The following ETV6 variants were observed in gnomAD, a reference collection of about 807,000 sequenced individuals.
ETV6 encodes the protein ETS variant transcription factor 6.
Under a neutral mutation model 51.1 loss-of-function variants are expected in ETV6, and 16 were observed. The observed-to-expected ratio is 0.31, with a 90% CI of 0.21 to 0.48. The LOEUF (loss-of-function observed/expected upper bound fraction) is 0.48, where lower values mean the gene tolerates loss of function less well. Ranked by LOEUF, ETV6 falls within the 20% of genes least tolerant of loss-of-function variation. ETV6 has a pLI of 0.99. For synonymous variants in ETV6, 240 were observed against 224.1 expected (o/e 1.07, Z -0.64); for missense variants, 458 against 594.8 (o/e 0.77, Z 2.39).
At chr12:11,674,691 G>A (rs946492636) in intron 1 of ETV6, among the ~76,000 whole-genome samples, 6 of 150,788 alleles carry the variant, frequency 4.0e-5, no homozygotes, top group Non-Finnish European at 8.9e-5. Context: ...AGCCCTGATT[G>A]TGCGACCCTG....
chr12:11,714,295 G>A (rs549436333), intron 1 of ETV6, among the ~76,000 whole-genome samples: 61 of 152,230 alleles, frequency 4.0e-4, no homozygotes, highest in African/African-American at 1.4e-3. Context: ...CAGATATAAC[G>A]GCTCTCTCTT....
intron 4 of ETV6, among the ~76,000 whole-genome samples, chr12:11,868,525 C>G (rs945750314): frequency 6.7e-6 from 1 of 150,342 alleles, no homozygotes; most frequent in African/African-American, 2.4e-5. Context: ...GCAACCTCCA[C>G]CTCCTGGGTT....
chr12:11,850,361 C>T (rs746842138), intron 3 of ETV6, among the ~76,000 whole-genome samples: 5 of 152,120 alleles, frequency 3.3e-5, no homozygotes, highest in Admixed American at 2.6e-4. Flanking sequence ...CAGGATGAGA[C>T]GTCCAGAGAA....
At position 11,894,112 on chromosome 12, in the gene ETV6, G is replaced by A. The variant is rs1213800273; in HGVS notation, c.*3066G>A. The stretch of plus-strand genomic sequence containing the variant: ...GTTAGCAAACCTTGATGAAGCACCT[G>A]CTGGACACTGAGGGACCCAAAGCTC... On this transcript the variant is annotated 3_prime_UTR_variant, in exon 8 of 8. Transcript: ENST00000396373. 2 of 230,184 alleles carry A rather than the reference G, an allele frequency of 8.7e-6. No individual in the cohort carries two copies. Among genetic ancestry groups the A allele is most frequent in the African/African-American group, 4.4e-5 (2 of 45,120 alleles). 14.3% of individuals were successfully genotyped at this position (230,184 alleles called of 1,614,324 possible). A position where few individuals can be genotyped will look rare whatever the true frequency, so the allele number is the denominator to read the frequency against.
At chr12:11,714,854 T>A (rs536223115) in intron 1 of ETV6, among the ~76,000 whole-genome samples, 1 of 152,136 alleles carries the variant, frequency 6.6e-6, no homozygotes, top group East Asian at 1.9e-4. Flanking sequence ...GCTTTGGCAA[T>A]CACAAAGACG....
chr12:11,671,974 C>T (rs1864326760), intron 1 of ETV6, among the ~76,000 whole-genome samples: 1 of 147,688 alleles, frequency 6.8e-6, no homozygotes, highest in South Asian at 2.1e-4. Context: ...GTCCTTTGTG[C>T]TTCATGTTTG....
intron 1 of ETV6, among the ~76,000 whole-genome samples, chr12:11,692,685 A>G (rs1281975408): frequency 6.6e-6 from 1 of 152,204 alleles, no homozygotes. Context: ...GCATTGTCTT[A>G]ATAAAGCCTG....
In ETV6 at chr12:11,895,152, T is replaced by C. The variant is rs971714284; in HGVS notation, c.*4106T>C. ...AAGTGAACATTCTTGATGATTTCTC[T>C]TTGTGACCGCAACCACCTGCAAACC... On this transcript the variant is annotated 3_prime_UTR_variant, in exon 8 of 8. Transcript: ENST00000396373. The C allele has an allele frequency of 8.6e-5, 20 of 232,880 alleles. No individual in the cohort carries two copies. Among genetic ancestry groups the C allele is most frequent in the Non-Finnish European group, 1.5e-4 (18 of 117,600 alleles). 14.4% of individuals were successfully genotyped at this position (232,880 alleles called of 1,614,324 possible).
intron 3 of ETV6, among the ~76,000 whole-genome samples, chr12:11,842,296 AT>A (rs1565547528): frequency 6.6e-6 from 1 of 151,904 alleles, no homozygotes; most frequent in African/African-American, 2.4e-5. Context: ...TACTTCCCTA[AT>A]TCCATTCCAC....
At chr12:11,688,383 C>T (rs1326920756) in intron 1 of ETV6, among the ~76,000 whole-genome samples, 2 of 152,228 alleles carry the variant, frequency 1.3e-5, no homozygotes, top group Non-Finnish European at 2.9e-5. Flanking sequence ...AGGGCAGCCA[C>T]TATGGCTCAA....
At chr12:11,816,169 T>C (rs1312168368) in intron 2 of ETV6, among the ~76,000 whole-genome samples, 3 of 152,158 alleles carry the variant, frequency 2.0e-5, no homozygotes, top group Admixed American at 2.0e-4. Context: ...GAGGGTGAGG[T>C]TGGAAGTTAA....
intron 2 of ETV6, among the ~76,000 whole-genome samples, chr12:11,805,900 C>T (rs971570183): frequency 2.0e-5 from 3 of 152,188 alleles, no homozygotes; most frequent in Non-Finnish European, 4.4e-5. Context: ...ATATCTACCT[C>T]ACAGAGCTGT....
At chr12:11,788,449 A>G (rs551099948) in intron 2 of ETV6, among the ~76,000 whole-genome samples, 28 of 152,332 alleles carry the variant, frequency 1.8e-4, no homozygotes, top group African/African-American at 6.5e-4. Flanking sequence ...GAGGATGTGT[A>G]TAATTGAATA....
chr12:11,759,846 A>G (rs906248461), intron 2 of ETV6, among the ~76,000 whole-genome samples: 2 of 152,236 alleles, frequency 1.3e-5, no homozygotes, highest in Admixed American at 6.5e-5. Flanking sequence ...TGAGCTGAGT[A>G]TATACAAATA....
intron 1 of ETV6, among the ~76,000 whole-genome samples, chr12:11,686,387 T>C (rs1325175372): frequency 6.6e-6 from 1 of 152,252 alleles, no homozygotes; most frequent in African/African-American, 2.4e-5. Context: ...AGGAAATTAC[T>C]GTTTACATCT....
At chr12:11,847,281 A>G (rs548775830) in intron 3 of ETV6, among the ~76,000 whole-genome samples, 53 of 152,344 alleles carry the variant, frequency 3.5e-4, no homozygotes, top group African/African-American at 1.2e-3. Context: ...ACACCATCTC[A>G]TCTGTAGAGA....
chr12:11,677,292 C>G (rs921856021), intron 1 of ETV6, among the ~76,000 whole-genome samples: 5 of 152,356 alleles, frequency 3.3e-5, no homozygotes, highest in Admixed American at 3.3e-4. Context: ...CTGCCTCTCT[C>G]TCTGCCAATA....
At chr12:11,827,339 G>A (rs1946173234) in intron 2 of ETV6, among the ~76,000 whole-genome samples, 1 of 152,200 alleles carries the variant, frequency 6.6e-6, no homozygotes, top group South Asian at 2.1e-4. Context: ...AAAGCACTTG[G>A]AAGCACTCTC....
chr12:11,727,120 G>A (rs1050981378), intron 1 of ETV6, among the ~76,000 whole-genome samples: 2 of 152,160 alleles, frequency 1.3e-5, no homozygotes, highest in Admixed American at 6.5e-5. Flanking sequence ...GGTGAACTAC[G>A]GCTGGAACAC....
Sources: allele counts gnomAD v4.1 joint callset (sites outside exome capture counted in the v4.1 genomes callset), GRCh38; gene constraint gnomAD v4.1.1; transcripts MANE v1.5; gene names NCBI Gene and HGNC (gene_info 2026-07-23, HGNC 2026-07-21).